Variants in CLASP2 observed in about 807,000 individuals in gnomAD.
The protein encoded by CLASP2 is cytoplasmic linker associated protein 2.
CLASP2 carries 47 observed loss-of-function variants against 194.4 expected under a neutral mutation model. The observed-to-expected ratio is 0.24, with a 90% CI of 0.19 to 0.31. The LOEUF (loss-of-function observed/expected upper bound fraction) is 0.31. Ranked by LOEUF, CLASP2 falls within the 10% of genes least tolerant of loss-of-function variation. The pLI is 1.00. For synonymous variants in CLASP2, 619 were observed against 633.5 expected (o/e 0.98, Z 0.34); for missense variants, 1,445 against 1,823.6 (o/e 0.79, Z 3.78).
chr3:33,538,702 CA>C (rs1206571336), intron 33 of CLASP2, 86 bp downstream of exon 33: 5 of 1,171,106 alleles, frequency 4.3e-6, no homozygotes, highest in Non-Finnish European at 5.8e-6. Flanking sequence ...AAAGTATATT[CA>C]AAAATGACAG....
rs2154148958 is a variant in CLASP2, at chr3:33,544,692, A to C, written c.3297+6T>G. 2 of 1,607,090 alleles carry C rather than the reference A, an allele frequency of 1.2e-6. No individual in the cohort carries two copies. Among genetic ancestry groups the C allele is most frequent in the African/African-American group, 1.3e-5 (1 of 74,668 alleles). On this transcript the variant is annotated splice_donor_region_variant and intron_variant, in intron 31 of 38. Coordinates refer to ENST00000682230, the MANE Select transcript of CLASP2 (RefSeq NM_001365631.1). ...TATGATAGCCAAGAAAATAAGTAAC[A>C]ATTACCTGGGTTCCATTGCCAGTGT... is the stretch of plus-strand genomic sequence containing the variant.
At chr3:33,571,871 T>G (rs754781026) in intron 25 of CLASP2, among the ~76,000 whole-genome samples, 1 of 152,176 alleles carries the variant, frequency 6.6e-6, no homozygotes, top group Admixed American at 6.5e-5. Flanking sequence ...ATTTGTGGGA[T>G]GTACCAGTCA....
intron 8 of CLASP2, among the ~76,000 whole-genome samples, chr3:33,640,181 T>G (rs1042430435): frequency 6.6e-6 from 1 of 152,198 alleles, no homozygotes; most frequent in African/African-American, 2.4e-5. Context: ...AGTCAAAATT[T>G]TGGATTCCAG....
chr3:33,689,937 A>G lies in CLASP2; in HGVS notation c.275-5T>C, dbSNP rs371712205. The G allele has an allele frequency of 5.1e-6, 8 of 1,557,378 alleles. No individual in the cohort carries two copies. Among genetic ancestry groups the G allele is most frequent in the African/African-American group, 4.1e-5 (3 of 73,442 alleles). Reference sequence around the variant, plus strand: ...TGTCTATTAAAGCTACAATAACTAAAGAAGGGGAGGGAGTAAAAGAGTAAT... The same window carrying G: ...TGTCTATTAAAGCTACAATAACTAAGGAAGGGGAGGGAGTAAAAGAGTAAT... On this transcript the variant is annotated splice_polypyrimidine_tract_variant and splice_region_variant and intron_variant, in intron 2 of 38. Coordinates refer to ENST00000682230, the MANE Select transcript of CLASP2 (RefSeq NM_001365631.1).
intron 9 of CLASP2, among the ~76,000 whole-genome samples, chr3:33,628,442 G>A (rs2078443340): frequency 6.6e-6 from 1 of 152,112 alleles, no homozygotes; most frequent in Non-Finnish European, 1.5e-5. Flanking sequence ...TTCAGTGAGG[G>A]GGTACATAAT....
chr3:33,513,691 G>C (rs776039266), intron 36 of CLASP2, among the ~76,000 whole-genome samples: 13 of 152,092 alleles, frequency 8.5e-5, no homozygotes, highest in Admixed American at 2.0e-4. Flanking sequence ...ATTTCTTTTG[G>C]GTGTTAAGTG....
In CLASP2 at chr3:33,544,798, G is replaced by A. The variant is rs2058889545; in HGVS notation, c.3197C>T (p.Pro1066Leu). 6.2e-7 allele frequency: 1 copy of A among 1,612,842 alleles called. No homozygotes were observed. The highest frequency in any genetic ancestry group is 8.5e-7 in the Non-Finnish European group (1 of 1,179,252). Reference sequence around the variant, plus strand: ...AGCTCCTAATAACATTGTAAACTCTGGGGTATTGAGTTCAAATAATGAAAT... The same window carrying A: ...AGCTCCTAATAACATTGTAAACTCTAGGGTATTGAGTTCAAATAATGAAAT... ...VLISLFELNTPEFTMLLGALP... is the reference protein window; with the variant it reads ...VLISLFELNTLEFTMLLGALP... Residue 1066 changes from proline (P) to leucine (L), a missense_variant, in exon 31 of 39, where the codon CCA (proline) becomes CTA (leucine). Coordinates refer to ENST00000682230, the MANE Select transcript of CLASP2 (RefSeq NM_001365631.1).
Position 33,521,173 on chromosome 3 carries a change from C to A in CLASP2, c.3788-3999G>T, listed in dbSNP as rs189736983. Among the ~76,000 whole-genome samples, 387 of 152,138 alleles carry A rather than the reference C, an allele frequency of 2.5e-3. 3 individuals carry two copies. Among genetic ancestry groups the A allele is most frequent in the African/African-American group, 8.8e-3 (366 of 41,528 alleles). Reference sequence around the variant, plus strand: ...TATAATGGGAAACTATGAGTCCCTACTGTTACAAAAATGTATGTCAATTTT... The same window carrying A: ...TATAATGGGAAACTATGAGTCCCTAATGTTACAAAAATGTATGTCAATTTT... On this transcript the variant is annotated intron_variant, in intron 34 of 38. Transcript: ENST00000682230.
At chr3:33,653,582 C>G (rs927956323) in intron 7 of CLASP2, among the ~76,000 whole-genome samples, 1 of 149,780 alleles carries the variant, frequency 6.7e-6, no homozygotes, top group African/African-American at 2.5e-5. Flanking sequence ...ACATTTGACA[C>G]TAAGGGTTAA....
At chr3:33,532,144 G>A (rs1178535062) in intron 34 of CLASP2, among the ~76,000 whole-genome samples, 1 of 152,190 alleles carries the variant, frequency 6.6e-6, no homozygotes, top group African/African-American at 2.4e-5. Context: ...TGGATGAATG[G>A]ATAAGCAAAA....
intron 21 of CLASP2, among the ~76,000 whole-genome samples, chr3:33,587,293 T>A (rs1041277260): frequency 1.3e-5 from 2 of 151,934 alleles, no homozygotes; most frequent in Admixed American, 6.6e-5. Flanking sequence ...GCCCAGCTAA[T>A]TTTTTGTATT....
intron 25 of CLASP2, among the ~76,000 whole-genome samples, chr3:33,571,014 A>ATTT (rs1276472825): frequency 7.8e-6 from 1 of 127,744 alleles, no homozygotes; most frequent in Non-Finnish European, 1.7e-5. Context: ...TGTCTCTATA[A>ATTT]ATTTTTTTTT....
At chr3:33,575,310 G>A (rs530033497) in intron 24 of CLASP2, among the ~76,000 whole-genome samples, 22 of 152,244 alleles carry the variant, frequency 1.4e-4, no homozygotes, top group South Asian at 4.1e-4. Context: ...TATTACCAAT[G>A]AATATTTTTA....
At chr3:33,612,809 T>C (rs1016111093) in intron 12 of CLASP2, among the ~76,000 whole-genome samples, 1 of 152,064 alleles carries the variant, frequency 6.6e-6, no homozygotes, top group Non-Finnish European at 1.5e-5. Flanking sequence ...AAATATCACA[T>C]GTTCTCACTC....
intron 28 of CLASP2, 92 bp from the exon 29 acceptor site, chr3:33,559,477 G>A: frequency 2.8e-6 from 2 of 714,114 alleles, no homozygotes; most frequent in Middle Eastern, 3.8e-4. Flanking sequence ...AAAACATAAT[G>A]TCATCCAAAA....
At chr3:33,602,744 T>C (rs560144409) in intron 18 of CLASP2, 1 of 680,644 alleles carries the variant, frequency 1.5e-6, no homozygotes, top group East Asian at 2.7e-5. Context: ...ATTGTTTCTT[T>C]GATCAAGACG....
At chr3:33,511,033 T>G (rs1038905882) in intron 36 of CLASP2, among the ~76,000 whole-genome samples, 5 of 146,210 alleles carry the variant, frequency 3.4e-5, no homozygotes, top group Non-Finnish European at 7.6e-5. Context: ...CTAAAGTATT[T>G]TTTTTTTTTT....
chr3:33,692,176 T>TAATAAATA (rs139754890), intron 2 of CLASP2, among the ~76,000 whole-genome samples: 1 of 151,868 alleles, frequency 6.6e-6, no homozygotes, highest in African/African-American at 2.4e-5. Flanking sequence ...CTCAAAAAAA[T>TAATAAATA]AATAAATAAA....
chr3:33,577,824 T>C (rs2065218659), intron 23 of CLASP2, among the ~76,000 whole-genome samples: 1 of 152,214 alleles, frequency 6.6e-6, no homozygotes, highest in Non-Finnish European at 1.5e-5. Flanking sequence ...GAAAGCTAGC[T>C]AGCTCCTTCT....
Sources: gnomAD v4.1 joint callset for allele counts (sites outside exome capture counted in the v4.1 genomes callset) on GRCh38, gnomAD v4.1.1 for gene constraint, MANE v1.5 for transcripts, NCBI Gene and HGNC (gene_info 2026-07-23, HGNC 2026-07-21) for gene names.